ARHGEF10: variants seen among roughly 807,000 people sequenced by gnomAD.
ARHGEF10 encodes Rho guanine nucleotide exchange factor 10, also known as Rho guanine nucleotide exchange factor (GEF) 10.
A neutral mutation model predicts 147.4 loss-of-function variants in ARHGEF10; 140 were observed. The ratio of observed to expected loss-of-function variants is 0.95; its 90% CI spans 0.83 to 1.09. ARHGEF10 has a LOEUF of 1.09. ARHGEF10 is among the 50% of genes least tolerant of loss of function. ARHGEF10 has a pLI of 0.00. For synonymous variants in ARHGEF10, 902 were observed against 695.8 expected (o/e 1.30, Z -4.67); for missense variants, 2,222 against 1,752.7 (o/e 1.27, Z -4.78).
At chr8:1,858,193 T>TCCCCAGGTGGGTCC in intron 3 of ARHGEF10, 78 bp downstream of exon 3, 1 of 1,374,946 alleles carries the variant, frequency 7.3e-7, no homozygotes, top group Admixed American at 2.5e-5. Flanking sequence ...CCCATGTGAG[T>TCCCCAGGTGGGTCC]CACCAGGTGA....
chr8:1,954,851 T>G (rs1215330687), intron 28 of ARHGEF10, among the ~76,000 whole-genome samples: 3 of 152,276 alleles, frequency 2.0e-5, no homozygotes, highest in Non-Finnish European at 2.9e-5. Context: ...TCAGCCTTGC[T>G]GGGGTCAGTC....
At chr8:1,905,939 A>C (rs1810856012) in intron 17 of ARHGEF10, among the ~76,000 whole-genome samples, 2 of 152,354 alleles carry the variant, frequency 1.3e-5, no homozygotes, top group South Asian at 4.1e-4. Flanking sequence ...GTAGAGGTTT[A>C]TATACTCTTT....
chr8:1,937,365 C>T lies in ARHGEF10; in HGVS notation c.3222+3423C>T, dbSNP rs1813699730. ...AGCCATCCTAGTAATTGCGTATTTA[C>T]AGAGGGAGCTCAGCCATATAGTATA... On this transcript the variant is annotated intron_variant, in intron 26 of 28. Coordinates refer to ENST00000349830, the MANE Select transcript of ARHGEF10 (RefSeq NM_014629.4). The surrounding 1 kb of genome is among the most constrained non-coding windows in gnomAD (Gnocchi z 4.9). Among the ~76,000 whole-genome samples, 1 of 152,098 alleles carries T rather than the reference C, an allele frequency of 6.6e-6. No homozygotes were observed. Among genetic ancestry groups the T allele is most frequent in the South Asian group, 2.1e-4 (1 of 4,820 alleles).
intron 26 of ARHGEF10, 109 bp downstream of exon 26, chr8:1,934,051 C>G: frequency 1.4e-6 from 2 of 1,468,794 alleles, no homozygotes; most frequent in East Asian, 2.3e-5. Flanking sequence ...AAATTTCCTT[C>G]TAGCCGGGCA....
chr8:1,951,459 G>A (rs1227741018), intron 27 of ARHGEF10, among the ~76,000 whole-genome samples: 1 of 152,216 alleles, frequency 6.6e-6, no homozygotes, highest in Non-Finnish European at 1.5e-5. Context: ...ATATGAATCG[G>A]CGTTTAGAAA....
intron 4 of ARHGEF10, among the ~76,000 whole-genome samples, chr8:1,863,405 C>T (rs1806313790): frequency 6.6e-6 from 1 of 152,214 alleles, no homozygotes; most frequent in Non-Finnish European, 1.5e-5. Context: ...CGACTTTGAG[C>T]CAACTGCTGC....
At chr8:1,864,788 C>G (rs1046996419) in intron 5 of ARHGEF10, among the ~76,000 whole-genome samples, 2 of 152,212 alleles carry the variant, frequency 1.3e-5, no homozygotes, top group East Asian at 3.8e-4. Flanking sequence ...CGCCTGCAGG[C>G]GGGTGGGGTA....
intron 1 of ARHGEF10, among the ~76,000 whole-genome samples, chr8:1,840,447 CGG>C (rs1803935442): frequency 8.7e-6 from 1 of 115,336 alleles, no homozygotes; most frequent in South Asian, 3.4e-4. Context: ...GGGGACTGTC[CGG>C]TGTGGAAGCT....
In ARHGEF10 at chr8:1,890,018, C is replaced by A. The variant is rs76661588; in HGVS notation, c.1183-3551C>A. Among the ~76,000 whole-genome samples the A allele has an allele frequency of 3.0e-3, 364 of 121,814 alleles. 5 individuals are homozygous for A. The highest frequency in any genetic ancestry group is 0.012 in the African/African-American group (351 of 28,804). The allele number at this position is 121,814 out of a possible 152,430, so 79.9% of individuals were successfully genotyped here. Reference sequence around the variant, plus strand: ...GCAATCTGTGAGGAGACACTGAGTGCGGTGAGGGGTATTGAGACACTGAGT... The same window carrying A: ...GCAATCTGTGAGGAGACACTGAGTGAGGTGAGGGGTATTGAGACACTGAGT... On this transcript the variant is annotated intron_variant, in intron 11 of 28. Coordinates refer to ENST00000349830, the MANE Select transcript of ARHGEF10 (RefSeq NM_014629.4).
At chr8:1,900,250 G>A (rs1810344045) in intron 15 of ARHGEF10, among the ~76,000 whole-genome samples, 1 of 152,128 alleles carries the variant, frequency 6.6e-6, no homozygotes, top group Non-Finnish European at 1.5e-5. Context: ...GCGGGCTGCT[G>A]GAAACGGAAC....
At chr8:1,942,258 A>C (rs1814157301) in intron 26 of ARHGEF10, among the ~76,000 whole-genome samples, 1 of 150,020 alleles carries the variant, frequency 6.7e-6, no homozygotes, top group Non-Finnish European at 1.5e-5. Context: ...TCACTCTTAG[A>C]TCTTAATAAA....
At chr8:1,865,793 C>T (rs1463797355) in intron 5 of ARHGEF10, among the ~76,000 whole-genome samples, 2 of 152,226 alleles carry the variant, frequency 1.3e-5, no homozygotes, top group Non-Finnish European at 2.9e-5. Flanking sequence ...GCTCACTCTG[C>T]TTCCGGTCTT....
At chr8:1,939,158 C>G (rs553571253) in intron 26 of ARHGEF10, among the ~76,000 whole-genome samples, 4 of 152,248 alleles carry the variant, frequency 2.6e-5, no homozygotes, top group Admixed American at 2.0e-4. Context: ...TGCTTTCTTT[C>G]AGACACCTTC....
At chr8:1,926,583 G>A (rs1372839700) in intron 23 of ARHGEF10, 120 bp downstream of exon 23, 1 of 901,330 alleles carries the variant, frequency 1.1e-6, no homozygotes, top group East Asian at 2.5e-5. Context: ...GTATCCCAGA[G>A]TGTACTTAGA....
At chr8:1,890,650 G>A (rs1406892503) in intron 11 of ARHGEF10, among the ~76,000 whole-genome samples, 5 of 151,520 alleles carry the variant, frequency 3.3e-5, no homozygotes, top group Non-Finnish European at 5.9e-5. Context: ...GGGTTGTGAG[G>A]AGACACTAAG....
At chr8:1,926,002 C>T (rs1812662479) in intron 22 of ARHGEF10, among the ~76,000 whole-genome samples, 1 of 152,198 alleles carries the variant, frequency 6.6e-6, no homozygotes, top group South Asian at 2.1e-4. Context: ...AGGCGGTGCA[C>T]AGGACTCCTC....
intron 1 of ARHGEF10, among the ~76,000 whole-genome samples, chr8:1,832,567 G>A (rs1803209841): frequency 6.8e-6 from 1 of 146,912 alleles, no homozygotes; most frequent in Admixed American, 6.8e-5. Context: ...GAGAGACAGA[G>A]GCAGAGACAG....
chr8:1,934,961 A>G (rs1813454646), intron 26 of ARHGEF10, among the ~76,000 whole-genome samples: 1 of 152,212 alleles, frequency 6.6e-6, no homozygotes, highest in Non-Finnish European at 1.5e-5. Flanking sequence ...ATTTCTTATT[A>G]AACTAAGAAA....
intron 7 of ARHGEF10, among the ~76,000 whole-genome samples, chr8:1,872,819 C>T (rs545722021): frequency 6.6e-6 from 1 of 152,202 alleles, no homozygotes; most frequent in South Asian, 2.1e-4. Context: ...AGTTACATAC[C>T]GAATAGTAGA....
Sources: gnomAD v4.1 joint callset for allele counts (sites outside exome capture counted in the v4.1 genomes callset) on GRCh38, gnomAD v4.1.1 for gene constraint, Gnocchi (gnomAD v3.1) non-coding constraint, MANE v1.5 for transcripts, NCBI Gene and HGNC (gene_info 2026-07-23, HGNC 2026-07-21) for gene names.